Variants in TAFA1 observed in about 807,000 individuals in gnomAD.
The protein encoded by TAFA1 is TAFA chemokine like family member 1.
Under a neutral mutation model 18.5 loss-of-function variants are expected in TAFA1, and 4 were observed. The observed-to-expected ratio is 0.22, with a 90% CI of 0.11 to 0.49. TAFA1 has a LOEUF of 0.49. Ranked by LOEUF, TAFA1 falls within the 20% of genes least tolerant of loss-of-function variation. The probability of loss-of-function intolerance (pLI) is 0.98; values close to 1 mark genes in which losing one functional copy is unlikely to be tolerated. For missense variants in TAFA1, 147 were observed against 169.0 expected, an observed-to-expected ratio of 0.87 and a Z score of 0.72; for synonymous variants, 56 against 55.2, an observed-to-expected ratio of 1.01 and a Z score of -0.06.
chr3:68,389,677 G>A (rs1447278903), intron 2 of TAFA1, among the ~76,000 whole-genome samples: 1 of 152,080 alleles, frequency 6.6e-6, no homozygotes, highest in Non-Finnish European at 1.5e-5. Context: ...GATCTCATTG[G>A]GACTGGTTAG....
intron 2 of TAFA1, among the ~76,000 whole-genome samples, chr3:68,377,349 T>C (rs114487370): frequency 0.015 from 2,224 of 152,248 alleles, 56 homozygotes; most frequent in South Asian, 0.048. Flanking sequence ...AATCCAGACT[T>C]AGGTGGTCTT....
intron 2 of TAFA1, among the ~76,000 whole-genome samples, chr3:68,271,583 C>A (rs2067670171): frequency 6.6e-6 from 1 of 152,072 alleles, no homozygotes; most frequent in Admixed American, 6.6e-5. Context: ...GAAACTTGGA[C>A]AAGAGATAGA....
chr3:68,317,953 C>T (rs142873215), intron 2 of TAFA1, among the ~76,000 whole-genome samples: 547 of 152,236 alleles, frequency 3.6e-3, no homozygotes, highest in East Asian at 0.014. Context: ...TGAAATCCAA[C>T]GCTTTGCAAT....
chr3:68,125,205 A>G (rs1225645584), intron 2 of TAFA1, among the ~76,000 whole-genome samples: 1 of 152,160 alleles, frequency 6.6e-6, no homozygotes, highest in Non-Finnish European at 1.5e-5. Flanking sequence ...TCAGCACAGC[A>G]CTTCTCTGTG....
At position 68,311,156 on chromosome 3, in the gene TAFA1, C is replaced by T. The variant is rs114062974; in HGVS notation, c.119-106124C>T. On this transcript the variant is annotated intron_variant, in intron 2 of 4. Coordinates refer to ENST00000478136, the MANE Select transcript of TAFA1 (RefSeq NM_213609.4). ...GACCCATTCACTATCAAGAGAACAG[C>T]ACAGGAGAGACCTACTCCCCACTGC... Among the ~76,000 whole-genome samples, 942 of 152,182 alleles carry T rather than the reference C, an allele frequency of 6.2e-3. 8 individuals are homozygous for T. Among genetic ancestry groups the T allele is most frequent in the African/African-American group, 0.021 (883 of 41,504 alleles).
rs376706052 is a variant in TAFA1, at chr3:68,088,392, A to C, written c.118+81648A>C. Among the ~76,000 whole-genome samples, 4 of 152,170 alleles carry C rather than the reference A, an allele frequency of 2.6e-5. No individual in the cohort carries two copies. The East Asian group carries it at 7.7e-4, about 29-fold the overall frequency. ...TCAGAGCAACCAGGAAGGTGGAAAC[A>C]GTGTGACATCACGTATAAAGCACTG... On this transcript the variant is annotated intron_variant, in intron 2 of 4. Coordinates refer to ENST00000478136, the MANE Select transcript of TAFA1 (RefSeq NM_213609.4).
chr3:68,278,760 A>G (rs1559596490), intron 2 of TAFA1, among the ~76,000 whole-genome samples: 1 of 152,130 alleles, frequency 6.6e-6, no homozygotes, highest in Non-Finnish European at 1.5e-5. Flanking sequence ...GTTAAAATAC[A>G]CATTCCCACA....
chr3:68,075,698 CTTTT>C (rs61592269), intron 2 of TAFA1, among the ~76,000 whole-genome samples: 17 of 139,412 alleles, frequency 1.2e-4, no homozygotes, highest in Admixed American at 4.3e-4. Context: ...TCTTCTTTCC[CTTTT>C]TTTTTTTTTT....
chr3:68,166,932 A>G (rs2065988753), intron 2 of TAFA1, among the ~76,000 whole-genome samples: 1 of 152,182 alleles, frequency 6.6e-6, no homozygotes. Flanking sequence ...AAATAAGATC[A>G]AGGATGTAAA....
At chr3:68,512,839 A>G (rs2072869674) in intron 3 of TAFA1, among the ~76,000 whole-genome samples, 1 of 152,120 alleles carries the variant, frequency 6.6e-6, no homozygotes, top group African/African-American at 2.4e-5. Context: ...TGTTACATGA[A>G]CTATTAATTT....
upstream of TAFA1, among the ~76,000 whole-genome samples, chr3:68,002,922 G>A (rs1201514618): frequency 6.6e-6 from 1 of 152,174 alleles, no homozygotes; most frequent in African/African-American, 2.4e-5. Context: ...GCTAGCATCT[G>A]GTGAAGGTTT....
chr3:68,019,151 T>C (rs1337698634), intron 2 of TAFA1, among the ~76,000 whole-genome samples: 2 of 152,244 alleles, frequency 1.3e-5, no homozygotes, highest in Non-Finnish European at 2.9e-5. Context: ...AGCATTGTTC[T>C]ACATTAGCCA....
chr3:68,234,131 G>A (rs1205569544), intron 2 of TAFA1, among the ~76,000 whole-genome samples: 4 of 152,120 alleles, frequency 2.6e-5, no homozygotes, highest in Admixed American at 2.6e-4. Flanking sequence ...TATTTCTGTG[G>A]GTTATCAGCT....
chr3:68,097,438 G>A (rs1247769911), intron 2 of TAFA1, among the ~76,000 whole-genome samples: 3 of 152,038 alleles, frequency 2.0e-5, no homozygotes, highest in East Asian at 1.9e-4. Context: ...TTTGCTGCAC[G>A]GCACACCAAT....
chr3:68,085,172 G>A (rs2064955751), intron 2 of TAFA1, among the ~76,000 whole-genome samples: 1 of 152,090 alleles, frequency 6.6e-6, no homozygotes, highest in Non-Finnish European at 1.5e-5. Context: ...TGAGAGTAAG[G>A]CATTGCTATC....
intron 2 of TAFA1, among the ~76,000 whole-genome samples, chr3:68,131,393 A>G (rs569921957): frequency 6.6e-6 from 1 of 152,250 alleles, no homozygotes; most frequent in South Asian, 2.1e-4. Context: ...AGGCTGGCCA[A>G]TTAGTTGGCT....
chr3:68,430,193 T>C (rs1172734176), intron 3 of TAFA1, among the ~76,000 whole-genome samples: 1 of 151,900 alleles, frequency 6.6e-6, no homozygotes, highest in Non-Finnish European at 1.5e-5. Context: ...TAAAGGAGAT[T>C]GGGGAACTAA....
intron 2 of TAFA1, among the ~76,000 whole-genome samples, chr3:68,336,786 C>T (rs560036751): frequency 1.3e-5 from 2 of 152,288 alleles, no homozygotes; most frequent in African/African-American, 4.8e-5. Context: ...TGCTGTGGCA[C>T]GATCTCAGCT....
intron 2 of TAFA1, among the ~76,000 whole-genome samples, chr3:68,084,546 G>A (rs185820571): frequency 5.7e-4 from 87 of 152,074 alleles, no homozygotes; most frequent in African/African-American, 1.9e-3. Context: ...GCCTGTAATC[G>A]CAGTAGTTTA....
Sources: gnomAD v4.1 joint callset for allele counts (sites outside exome capture counted in the v4.1 genomes callset) on GRCh38, gnomAD v4.1.1 for gene constraint, MANE v1.5 for transcripts, NCBI Gene and HGNC (gene_info 2026-07-23, HGNC 2026-07-21) for gene names.